PHACTR1: variants seen among roughly 807,000 people sequenced by gnomAD.
PHACTR1 encodes the protein RPEL repeat containing 1.
A neutral mutation model predicts 69.2 loss-of-function variants in PHACTR1; 16 were observed. That is an observed-to-expected ratio of 0.23 (90% CI 0.16 to 0.35). The LOEUF (loss-of-function observed/expected upper bound fraction) is 0.35, where lower values mean the gene tolerates loss of function less well. PHACTR1 is among the 10% of genes least tolerant of loss of function. The probability of loss-of-function intolerance (pLI) is 1.00; values close to 1 mark genes in which losing one functional copy is unlikely to be tolerated. For missense variants in PHACTR1, 510 were observed against 734.7 expected, an observed-to-expected ratio of 0.69 and a Z score of 3.54; for synonymous variants, 312 against 284.5, an observed-to-expected ratio of 1.10 and a Z score of -0.97.
chr6:12,955,823 G>C (rs531008205), intron 4 of PHACTR1, among the ~76,000 whole-genome samples: 20 of 152,182 alleles, frequency 1.3e-4, no homozygotes, highest in African/African-American at 4.6e-4. Flanking sequence ...TCTGCAAAGC[G>C]GAACACCAAG....
intron 10 of PHACTR1, among the ~76,000 whole-genome samples, chr6:13,257,575 T>C (rs1775351984): frequency 6.6e-6 from 1 of 152,246 alleles, no homozygotes; most frequent in South Asian, 2.1e-4. Context: ...TCACAGCTCT[T>C]GACTCCTCTG....
chr6:13,112,033 T>A (rs892845235), intron 5 of PHACTR1, among the ~76,000 whole-genome samples: 69 of 152,146 alleles, frequency 4.5e-4, no homozygotes, highest in African/African-American at 1.5e-3. Context: ...CTTCCCATCC[T>A]TCACCCTCCA....
At chr6:12,722,526 C>T (rs1762255324) in intron 3 of PHACTR1, among the ~76,000 whole-genome samples, 1 of 152,022 alleles carries the variant, frequency 6.6e-6, no homozygotes, top group Non-Finnish European at 1.5e-5. Context: ...GACGTTTTAG[C>T]TAGTTAAAGC....
At chr6:13,059,465 C>T (rs1239798848) in intron 5 of PHACTR1, among the ~76,000 whole-genome samples, 1 of 88,418 alleles carries the variant, frequency 1.1e-5, no homozygotes, top group Non-Finnish European at 2.5e-5. Flanking sequence ...TTATCACACA[C>T]ACACACACAC....
intron 4 of PHACTR1, among the ~76,000 whole-genome samples, chr6:12,870,584 A>G (rs1001973584): frequency 2.0e-5 from 3 of 152,350 alleles, no homozygotes; most frequent in Middle Eastern, 6.8e-3. Flanking sequence ...GCACATCTAT[A>G]ATTGCACATA....
chr6:12,858,360 G>A (rs975686336), intron 4 of PHACTR1, among the ~76,000 whole-genome samples: 5 of 152,206 alleles, frequency 3.3e-5, no homozygotes, highest in African/African-American at 1.2e-4. Flanking sequence ...TGTTAATTTA[G>A]AGGTAAATAT....
At chr6:12,806,608 G>T (rs552779775) in intron 4 of PHACTR1, among the ~76,000 whole-genome samples, 1 of 151,944 alleles carries the variant, frequency 6.6e-6, no homozygotes, top group African/African-American at 2.4e-5. Flanking sequence ...CAGCCACCTC[G>T]CCCAGCTATA....
chr6:12,838,603 C>T (rs574046832), intron 4 of PHACTR1, among the ~76,000 whole-genome samples: 61 of 152,112 alleles, frequency 4.0e-4, no homozygotes, highest in African/African-American at 4.3e-4. Context: ...AATGGGAGGC[C>T]CTCATGTTCT....
At position 13,286,217 on chromosome 6, in the gene PHACTR1, A is replaced by G; in HGVS notation, c.1722A>G (p.Leu574=). The G allele has an allele frequency of 1.3e-6, 2 of 1,597,726 alleles. No individual in the cohort carries two copies. The highest frequency in any genetic ancestry group is 1.7e-6 in the Non-Finnish European group (2 of 1,173,412). The change falls in exon 14 of 15, where the codon TTA becomes TTG. Residue 574 remains leucine, a synonymous_variant. Coordinates refer to ENST00000332995, the MANE Select transcript of PHACTR1 (RefSeq NM_030948.6). ...AAGTTCATGAATTGAGTAGACACTT[A>G]ACAAGGTTAGTATTAAGGGTTTTTT... ...EMEVHELSRH[L]TRFHRP is the part of the protein sequence containing the mutation.
At chr6:13,262,047 G>A (rs1775987895) in intron 10 of PHACTR1, among the ~76,000 whole-genome samples, 2 of 152,230 alleles carry the variant, frequency 1.3e-5, no homozygotes, top group African/African-American at 2.4e-5. Flanking sequence ...GCACAGAGTG[G>A]TGTGATCAGA....
intron 4 of PHACTR1, among the ~76,000 whole-genome samples, chr6:12,870,407 T>C (rs1781910076): frequency 6.6e-6 from 1 of 152,226 alleles, no homozygotes; most frequent in Non-Finnish European, 1.5e-5. Context: ...TATGATTACA[T>C]GTTTCATCAA....
chr6:13,227,221 T>C (rs962147840), intron 8 of PHACTR1, among the ~76,000 whole-genome samples: 6 of 152,052 alleles, frequency 3.9e-5, no homozygotes, highest in Non-Finnish European at 8.8e-5. Context: ...CATGCATGGG[T>C]CTCCAGCCTT....
In PHACTR1 at chr6:13,284,544, ATATATAT is replaced by A. The variant is rs376697304; in HGVS notation, c.1650+983_1650+989del. On this transcript the variant is annotated intron_variant, in intron 13 of 14. Transcript: ENST00000332995. ...AAAAAAAAAAAAAAAAAAAAAAAAA[ATATATAT>A]ATATATATATATATATATAGATACA... Among the ~76,000 whole-genome samples the A allele has an allele frequency of 4.5e-3, 300 of 66,196 alleles. 2 individuals are homozygous for A. The highest frequency in any genetic ancestry group is 0.011 in the East Asian group (21 of 1,916). The allele number at this position is 66,196 out of a possible 152,430, so 43.4% of individuals were successfully genotyped here.
chr6:12,819,055 A>G (rs1775908375), intron 4 of PHACTR1, among the ~76,000 whole-genome samples: 1 of 152,218 alleles, frequency 6.6e-6, no homozygotes, highest in East Asian at 1.9e-4. Flanking sequence ...CAGTCAAAGC[A>G]TTGACTTATG....
intron 3 of PHACTR1, among the ~76,000 whole-genome samples, chr6:12,726,784 G>A (rs946041760): frequency 2.6e-5 from 4 of 152,154 alleles, no homozygotes; most frequent in Middle Eastern, 3.2e-3. Context: ...ATCTGGACAC[G>A]ATTAAACAAC....
At chr6:13,110,262 G>A (rs895297354) in intron 5 of PHACTR1, among the ~76,000 whole-genome samples, 5 of 152,032 alleles carry the variant, frequency 3.3e-5, no homozygotes, top group African/African-American at 1.2e-4. Context: ...TTTTATTCTG[G>A]CTAGCAGTAA....
chr6:12,919,872 T>C (rs1423490022), intron 4 of PHACTR1, among the ~76,000 whole-genome samples: 1 of 152,184 alleles, frequency 6.6e-6, no homozygotes, highest in East Asian at 1.9e-4. Context: ...CTAGGAGCCC[T>C]GGAGTACAAT....
At position 13,014,253 on chromosome 6, in the gene PHACTR1, G is replaced by T. The variant is rs767111851; in HGVS notation, c.251-39112G>T. Among the ~76,000 whole-genome samples, 143 of 152,090 alleles carry T rather than the reference G, an allele frequency of 9.4e-4. 1 individual carries two copies. Among genetic ancestry groups the T allele is most frequent in the Non-Finnish European group, 2.6e-4 (18 of 68,006 alleles). On this transcript the variant is annotated intron_variant, in intron 4 of 14. Coordinates refer to ENST00000332995, the MANE Select transcript of PHACTR1 (RefSeq NM_030948.6). The stretch of plus-strand genomic sequence containing the variant: ...CGTCTGTCGCCTGGAAAACTGCGGG[G>T]ACATCCGCACTCCACCCAGACATGA...
At chr6:12,911,286 C>T (rs1006464934) in intron 4 of PHACTR1, among the ~76,000 whole-genome samples, 1 of 151,948 alleles carries the variant, frequency 6.6e-6, no homozygotes, top group Non-Finnish European at 1.5e-5. Flanking sequence ...CTAGTTTCTG[C>T]AGAAATCGAC....
Sources: gnomAD v4.1 joint callset for allele counts (sites outside exome capture counted in the v4.1 genomes callset) on GRCh38, gnomAD v4.1.1 for gene constraint, MANE v1.5 for transcripts, NCBI Gene and HGNC (gene_info 2026-07-23, HGNC 2026-07-21) for gene names.